The following N4BP2L2 variants were observed in gnomAD, a reference collection of about 807,000 sequenced individuals.
The protein encoded by N4BP2L2 is NEDD4-binding protein 2-like 2.
Under a neutral mutation model 56.2 loss-of-function variants are expected in N4BP2L2, and 50 were observed. That is an observed-to-expected ratio of 0.89 (90% CI 0.71 to 1.13). The LOEUF is 1.13. N4BP2L2 is among the 50% of genes most tolerant of loss of function. The pLI is 0.00. For synonymous variants in N4BP2L2, 203 were observed against 223.6 expected (o/e 0.91, Z 0.82); for missense variants, 689 against 693.8 (o/e 0.99, Z 0.08).
intron 6 of N4BP2L2, among the ~76,000 whole-genome samples, chr13:32,487,192 C>T (rs908249240): frequency 6.6e-6 from 1 of 152,062 alleles, no homozygotes; most frequent in Non-Finnish European, 1.5e-5. Flanking sequence ...CCAGAGACTA[C>T]AGCCAGTTTG....
At chr13:32,519,111 G>T (rs1409427410) in intron 5 of N4BP2L2, among the ~76,000 whole-genome samples, 1 of 151,992 alleles carries the variant, frequency 6.6e-6, no homozygotes, top group Non-Finnish European at 1.5e-5. Flanking sequence ...AAAGATAGAA[G>T]AAAAAATGCG....
chr13:32,446,549 A>C, intron 6 of N4BP2L2: 1 of 1,284,656 alleles, frequency 7.8e-7, no homozygotes, highest in Admixed American at 2.3e-5. Flanking sequence ...ATTAAATGGT[A>C]AAATACTAAT....
chr13:32,479,820 A>AG (rs1337919053), intron 6 of N4BP2L2, among the ~76,000 whole-genome samples: 2 of 152,068 alleles, frequency 1.3e-5, no homozygotes, highest in African/African-American at 4.8e-5. Flanking sequence ...AAGAGACAGA[A>AG]GGGAGAATGA....
In N4BP2L2 at chr13:32,536,359, ATCTT is replaced by A; in HGVS notation, c.665_668del (p.Lys222IlefsTer30). On this transcript the variant is annotated frameshift_variant, in exon 2 of 6. Transcript: ENST00000267068. LOFTEE classifies it high-confidence loss of function. Reference sequence around the variant, plus strand: ...GTGATGGCATAGCTTTATTACTAAGATCTTTCTTTTCTTCATCAGGTTTTAAGAG... The same window carrying A: ...GTGATGGCATAGCTTTATTACTAAGATCTTTTCTTCATCAGGTTTTAAGAG... 6.2e-7 allele frequency: 1 copy of A among 1,614,038 alleles called. No individual in the cohort carries two copies. The highest frequency in any genetic ancestry group is 8.5e-7 in the Non-Finnish European group (1 of 1,179,968).
At chr13:32,531,692 A>G (rs571737007) in intron 2 of N4BP2L2, among the ~76,000 whole-genome samples, 5 of 152,120 alleles carry the variant, frequency 3.3e-5, no homozygotes, top group East Asian at 1.9e-4. Flanking sequence ...AAGAAGGGAG[A>G]AAAAAAAGTC....
At chr13:32,443,321 C>A in exon 7 of N4BP2L2, 1 of 1,614,000 alleles carries the variant, frequency 6.2e-7, no homozygotes, top group Non-Finnish European at 8.5e-7. Flanking sequence ...AACTTACATG[C>A]TCTATCTTTC....
At chr13:32,438,091 A>G (rs1181816940) in intron 8 of N4BP2L2, among the ~76,000 whole-genome samples, 1 of 152,248 alleles carries the variant, frequency 6.6e-6, no homozygotes, top group African/African-American at 2.4e-5. Flanking sequence ...ATCAGCATAC[A>G]TATGACTTCA....
chr13:32,479,045 G>C (rs2083992473), intron 6 of N4BP2L2, among the ~76,000 whole-genome samples: 1 of 151,772 alleles, frequency 6.6e-6, no homozygotes, highest in African/African-American at 2.4e-5. Flanking sequence ...TGAGGCAGGA[G>C]AATCACTTGA....
intron 6 of N4BP2L2, chr13:32,478,077 G>T: frequency 3.9e-6 from 5 of 1,287,354 alleles, no homozygotes; most frequent in Non-Finnish European, 4.1e-6. Context: ...ATATATTCAG[G>T]CCCAGCTTAT....
At chr13:32,463,918 C>CA (rs58685358) in intron 6 of N4BP2L2, among the ~76,000 whole-genome samples, 1,605 of 64,146 alleles carry the variant, frequency 0.025, 76 homozygotes, top group Middle Eastern at 0.096. Flanking sequence ...TGCCCATGAC[C>CA]AAAAAAAAAA....
At chr13:32,496,514 AG>A (rs760435125) in intron 6 of N4BP2L2, among the ~76,000 whole-genome samples, 7 of 152,196 alleles carry the variant, frequency 4.6e-5, no homozygotes, top group Non-Finnish European at 1.0e-4. Flanking sequence ...AGCATTCCTG[AG>A]GAATAAACAT....
intron 6 of N4BP2L2, among the ~76,000 whole-genome samples, chr13:32,452,454 T>C (rs924556756): frequency 1.3e-5 from 2 of 152,176 alleles, no homozygotes; most frequent in Non-Finnish European, 2.9e-5. Context: ...CTCAGTTAAA[T>C]ACAAAAACCC....
chr13:32,490,456 C>G (rs1345720553), intron 6 of N4BP2L2, among the ~76,000 whole-genome samples: 1 of 152,140 alleles, frequency 6.6e-6, no homozygotes, highest in Non-Finnish European at 1.5e-5. Context: ...AGGCACCTGT[C>G]ACCATGCCCG....
chr13:32,509,654 T>C (rs1368624330), downstream of N4BP2L2, among the ~76,000 whole-genome samples: 1 of 152,240 alleles, frequency 6.6e-6, no homozygotes, highest in Non-Finnish European at 1.5e-5. Context: ...ACTTATATTC[T>C]AGATAAATGT....
intron 1 of N4BP2L2, among the ~76,000 whole-genome samples, chr13:32,537,229 G>A (rs1233769157): frequency 6.6e-6 from 1 of 151,538 alleles, no homozygotes; most frequent in African/African-American, 2.4e-5. Context: ...GAGGGATCTC[G>A]TTGAATATCC....
chr13:32,537,889 C>G (rs963549892), intron 1 of N4BP2L2, among the ~76,000 whole-genome samples: 2 of 152,062 alleles, frequency 1.3e-5, no homozygotes, highest in East Asian at 3.9e-4. Context: ...GCAACATGGC[C>G]TAACTCCGTC....
chr13:32,534,319 A>C (rs1433874987), intron 2 of N4BP2L2, among the ~76,000 whole-genome samples: 1 of 152,074 alleles, frequency 6.6e-6, no homozygotes, highest in Non-Finnish European at 1.5e-5. Context: ...TACTTTATTC[A>C]CCTTTAATTT....
intron 6 of N4BP2L2, among the ~76,000 whole-genome samples, chr13:32,473,330 G>A (rs1233425559): frequency 6.6e-6 from 1 of 151,684 alleles, no homozygotes; most frequent in Non-Finnish European, 1.5e-5. Context: ...ATAATATTTT[G>A]ATAGGTTAAA....
chr13:32,460,966 A>G (rs968262250), intron 6 of N4BP2L2, among the ~76,000 whole-genome samples: 1 of 152,212 alleles, frequency 6.6e-6, no homozygotes, highest in Non-Finnish European at 1.5e-5. Flanking sequence ...CCATGTATTT[A>G]CAGCCAAATG....
Sources: gnomAD v4.1 joint callset for allele counts (sites outside exome capture counted in the v4.1 genomes callset) on GRCh38, gnomAD v4.1.1 for gene constraint, MANE v1.5 for transcripts, NCBI Gene and HGNC (gene_info 2026-07-23, HGNC 2026-07-21) for gene names.